MYZAP: variants seen among roughly 807,000 people sequenced by gnomAD.
The protein encoded by MYZAP is myocardial zonula adherens protein, also known as GRINL1A complex locus upstream.
In MYZAP, 66 loss-of-function variants were observed where a neutral mutation model predicts 69.4. The observed-to-expected ratio is 0.95, with a 90% CI of 0.78 to 1.17. MYZAP has a LOEUF of 1.17. MYZAP is among the 50% of genes most tolerant of loss of function. The pLI, the probability that MYZAP is intolerant of heterozygous loss-of-function variation, is 0.00. For missense variants in MYZAP, 611 were observed against 556.2 expected, an observed-to-expected ratio of 1.10 and a Z score of -0.99; for synonymous variants, 256 against 205.9, an observed-to-expected ratio of 1.24 and a Z score of -2.09.
chr15:57,664,187 G>C (rs2038455812), intron 11 of MYZAP, among the ~76,000 whole-genome samples: 1 of 151,780 alleles, frequency 6.6e-6, no homozygotes, highest in Non-Finnish European at 1.5e-5. Flanking sequence ...AGATCCAAAA[G>C]AGAAAGGATA....
At chr15:57,628,334 G>C (rs1393904595) in intron 5 of MYZAP, among the ~76,000 whole-genome samples, 1 of 152,108 alleles carries the variant, frequency 6.6e-6, no homozygotes. Flanking sequence ...GCAGCAGTGT[G>C]ATATAGTTCA....
At position 57,674,715 on chromosome 15, in the gene MYZAP, CAT is replaced by C. The variant is rs1257837299; in HGVS notation, c.1204-251_1204-250del. ...TAGTGGCTGAAAAAGCAGATTATAACATAGATTACAATATTTTGTTTTCATTT... is the reference window on the plus strand; with the variant it reads ...TAGTGGCTGAAAAAGCAGATTATAACAGATTACAATATTTTGTTTTCATTT... On this transcript the variant is annotated intron_variant, in intron 11 of 12. Coordinates refer to ENST00000267853, the MANE Select transcript of MYZAP (RefSeq NM_001018100.5). Among the ~76,000 whole-genome samples the C allele has an allele frequency of 3.3e-5, 5 of 152,148 alleles. No homozygotes were observed. In the East Asian group the frequency reaches 7.7e-4, roughly 23 times the overall value.
chr15:57,611,545 C>T (rs2035107292), intron 2 of MYZAP, among the ~76,000 whole-genome samples: 1 of 152,056 alleles, frequency 6.6e-6, no homozygotes, highest in East Asian at 1.9e-4. Flanking sequence ...GGAAGCTGTG[C>T]ACTAGCGGTA....
At chr15:57,624,476 A>C (rs890665960) in intron 4 of MYZAP, among the ~76,000 whole-genome samples, 1 of 152,184 alleles carries the variant, frequency 6.6e-6, no homozygotes, top group Non-Finnish European at 1.5e-5. Flanking sequence ...CTGTATAAAC[A>C]TATCTACCCA....
chr15:57,623,175 G>C (rs1228888593), intron 4 of MYZAP, among the ~76,000 whole-genome samples: 2 of 152,202 alleles, frequency 1.3e-5, no homozygotes, highest in Non-Finnish European at 2.9e-5. Flanking sequence ...CAAAGTGCAA[G>C]AGTGGGTCAG....
chr15:57,644,144 A>G (rs2140482036), intron 10 of MYZAP, among the ~76,000 whole-genome samples: 1 of 152,334 alleles, frequency 6.6e-6, no homozygotes, highest in Admixed American at 6.5e-5. Context: ...ATATACAGCC[A>G]GGATTGAGAA....
intron 10 of MYZAP, chr15:57,647,127 A>G (rs1204781048): frequency 6.1e-6 from 6 of 985,326 alleles, no homozygotes; most frequent in Non-Finnish European, 7.2e-6. Context: ...ATGGCAAAGC[A>G]GGCATGAAGC....
intron 1 of MYZAP, among the ~76,000 whole-genome samples, chr15:57,603,797 G>A (rs1567200479): frequency 6.6e-6 from 1 of 152,046 alleles, no homozygotes. Flanking sequence ...ATGAACATGG[G>A]TATATGGACT....
intron 10 of MYZAP, among the ~76,000 whole-genome samples, chr15:57,648,784 GT>G (rs34784139): frequency 0.36 from 49,370 of 136,188 alleles, 8,490 homozygotes; most frequent in African/African-American, 0.43. Flanking sequence ...ACTTGTTTCT[GT>G]TTTTTTTTTT....
rs2039584364 is a variant in MYZAP, at chr15:57,684,304, C to T, written c.1305-98C>T. The T allele has an allele frequency of 7.4e-5, 57 of 768,252 alleles. No homozygotes were observed. In the South Asian group the frequency reaches 8.4e-4, roughly 11 times the overall value. 47.6% of individuals were successfully genotyped at this position (768,252 alleles called of 1,614,324 possible). On this transcript the variant is annotated intron_variant, in intron 12 of 12. Coordinates refer to ENST00000267853, the MANE Select transcript of MYZAP (RefSeq NM_001018100.5). The stretch of plus-strand genomic sequence containing the variant: ...GCATTATTGTCTTTTTATTTTTAAA[C>T]ACTTAAACACCATTTTCTAGAGTTG...
intron 12 of MYZAP, among the ~76,000 whole-genome samples, chr15:57,678,344 G>A (rs2039247182): frequency 6.6e-6 from 1 of 151,982 alleles, no homozygotes; most frequent in Non-Finnish European, 1.5e-5. Context: ...CCTGGGCCTG[G>A]GCAACAGAAT....
At position 57,629,777 on chromosome 15, in the gene MYZAP, G is replaced by T. The variant is rs2036385920; in HGVS notation, c.601G>T (p.Ala201Ser). 13 of 1,614,060 alleles carry T rather than the reference G, an allele frequency of 8.1e-6. No homozygotes were observed. The highest frequency in any genetic ancestry group is 1.1e-5 in the Non-Finnish European group (13 of 1,179,994). ...CAGAAATCTGCAGCAGACGTATGAA[G>T]CATCCATGGACAAGCTGAGGGAAAA... ...QIRNLQQTYE[A>S]SMDKLREKQR... Residue 201 changes from alanine to serine, a missense_variant, in exon 6 of 13, where the codon GCA becomes TCA. Ala to Ser is a moderately conservative substitution (Grantham distance 99). Transcript: ENST00000267853.
intron 12 of MYZAP, among the ~76,000 whole-genome samples, chr15:57,683,832 T>G (rs1322430297): frequency 1.3e-5 from 2 of 152,006 alleles, no homozygotes; most frequent in African/African-American, 4.8e-5. Context: ...TTAGCTCTTG[T>G]TGCCCAGGCT....
chr15:57,622,281 C>T (rs1222093288), intron 4 of MYZAP, among the ~76,000 whole-genome samples: 1 of 151,912 alleles, frequency 6.6e-6, no homozygotes, highest in East Asian at 1.9e-4. Flanking sequence ...TAGGAGTCAA[C>T]TATAATAAGT....
At chr15:57,667,552 C>T (rs1465201830) in intron 11 of MYZAP, among the ~76,000 whole-genome samples, 1 of 152,118 alleles carries the variant, frequency 6.6e-6, no homozygotes, top group Admixed American at 6.5e-5. Context: ...TATTCTTTGT[C>T]GTTCCACTGT....
chr15:57,595,747 G>A lies in MYZAP; in HGVS notation c.75+3638G>A, dbSNP rs79020883. Among the ~76,000 whole-genome samples, 286 of 152,238 alleles carry A rather than the reference G, an allele frequency of 1.9e-3. 2 individuals carry two copies. The highest frequency in any genetic ancestry group is 6.4e-3 in the African/African-American group (266 of 41,550). ...GCTGGTGTTGCTGCTATCGTGACCC[G>A]TCACTGGCACAGAGAAAAAACAAAA... On this transcript the variant is annotated intron_variant, in intron 1 of 12. Coordinates refer to ENST00000267853, the MANE Select transcript of MYZAP (RefSeq NM_001018100.5).
At chr15:57,655,301 G>T (rs1047900240) in intron 10 of MYZAP, among the ~76,000 whole-genome samples, 15 of 152,218 alleles carry the variant, frequency 9.9e-5, no homozygotes, top group Admixed American at 9.8e-4. Context: ...TGTTCATGCA[G>T]TGCTGAGAGG....
chr15:57,646,239 G>A, intron 10 of MYZAP: 1 of 1,289,054 alleles, frequency 7.8e-7, no homozygotes, highest in Non-Finnish European at 1.0e-6. Flanking sequence ...TATTGTTCGT[G>A]ATTAGAAGAA....
chr15:57,611,556 C>T (rs1159749957), intron 2 of MYZAP, among the ~76,000 whole-genome samples: 8 of 152,114 alleles, frequency 5.3e-5, no homozygotes, highest in South Asian at 4.1e-4. Context: ...ACTAGCGGTA[C>T]GCTAGCACTC....
Sources: gnomAD v4.1 joint callset for allele counts (sites outside exome capture counted in the v4.1 genomes callset) on GRCh38, gnomAD v4.1.1 for gene constraint, MANE v1.5 for transcripts, NCBI Gene and HGNC (gene_info 2026-07-23, HGNC 2026-07-21) for gene names.